BRCA1: variants seen among roughly 807,000 people sequenced by gnomAD.
BRCA1 encodes breast cancer type 1 susceptibility protein.
BRCA1 carries 140 observed loss-of-function variants against 173.7 expected under a neutral mutation model. That is an observed-to-expected ratio of 0.81 (90% CI 0.70 to 0.93). The LOEUF is 0.93. Ranked by LOEUF, BRCA1 falls within the 40% of genes least tolerant of loss-of-function variation. The pLI is 0.00. For missense variants in BRCA1, 1,983 were observed against 2,172.5 expected (o/e 0.91, Z 1.73); for synonymous variants, 662 against 756.0 (o/e 0.88, Z 2.04).
In BRCA1 at chr17:43,049,194, T is replaced by C. The variant is rs80357041; in HGVS notation, c.5333A>G (p.Asp1778Gly). ...CYGPFTNMPT[D>G]QLEWMVQLCG... ...CAGCTGTACCATCCATTCCAGTTGA[T>C]CTAAAATGGACATTTAGATGTAAAA... The change falls in exon 21 of 23, where the codon GAT (aspartate) becomes GGT (glycine). Residue 1778 changes from aspartate (D) to glycine (G), a missense_variant and splice_region_variant. Asp to Gly is a moderately conservative substitution (Grantham distance 94, BLOSUM62 -1). Transcript: ENST00000357654. 11 of 1,613,702 alleles carry C rather than the reference T, an allele frequency of 6.8e-6. No homozygotes were observed. The highest frequency in any genetic ancestry group is 8.5e-6 in the Non-Finnish European group (10 of 1,179,738).
chr17:43,098,674 A>G (rs1490908819), intron 7 of BRCA1, among the ~76,000 whole-genome samples: 3 of 146,722 alleles, frequency 2.0e-5, no homozygotes, highest in Non-Finnish European at 4.5e-5. Context: ...CCAAAAATGT[A>G]TTATTATTTT....
intron 12 of BRCA1, among the ~76,000 whole-genome samples, chr17:43,076,931 A>G (rs907124243): frequency 6.6e-6 from 1 of 152,198 alleles, no homozygotes; most frequent in African/African-American, 2.4e-5. Context: ...AAAAATATAT[A>G]TAACAAATTT....
intron 1 of BRCA1, chr17:43,161,850 A>G (rs569527269): frequency 3.3e-5 from 5 of 152,196 alleles, no homozygotes; most frequent in Non-Finnish European, 7.4e-5. Flanking sequence ...CATACATAAC[A>G]TGAAGTGACA....
chr17:43,047,572 C>T (rs2152751987), intron 22 of BRCA1, 71 bp downstream of exon 22: 1 of 1,446,380 alleles, frequency 6.9e-7, no homozygotes, highest in Non-Finnish European at 9.7e-7. Context: ...ACTCAAGCAC[C>T]AGGTAATGAG....
intron 1 of BRCA1, among the ~76,000 whole-genome samples, chr17:43,137,694 A>G (rs1234534203): frequency 4.6e-5 from 7 of 152,248 alleles, no homozygotes; most frequent in African/African-American, 1.4e-4. Flanking sequence ...CCTGGCTAAC[A>G]TGGTGAAACT....
At chr17:43,052,879 T>TG (rs1225641449) in intron 19 of BRCA1, among the ~76,000 whole-genome samples, 4 of 113,834 alleles carry the variant, frequency 3.5e-5, no homozygotes, top group African/African-American at 1.9e-4. Flanking sequence ...AGTCTGTGTG[T>TG]TTTTTTTTTT....
Position 43,091,505 on chromosome 17 carries a change from T to C in BRCA1, c.4026A>G (p.Ser1342=), listed in dbSNP as rs80356828. Residue 1342 remains serine, a synonymous_variant, in exon 10 of 23, where the codon TCA becomes TCG. Coordinates refer to ENST00000357654, the MANE Select transcript of BRCA1 (RefSeq NM_007294.4). ...AGCCCGTTCCTCTTTCTTCATCATC[T>C]GAAACCAATTCCTTGTCACTCAGAC... ...GVGLSDKELV[S]DDEERGTGLE... The C allele has an allele frequency of 1.2e-6, 2 of 1,613,810 alleles. No homozygotes were observed. Among genetic ancestry groups the C allele is most frequent in the Non-Finnish European group, 1.7e-6 (2 of 1,179,744 alleles).
chr17:43,127,975 G>C (rs1290201071), upstream of BRCA1, among the ~76,000 whole-genome samples: 1 of 128,780 alleles, frequency 7.8e-6, no homozygotes, highest in Non-Finnish European at 1.5e-5. Flanking sequence ...AGTGAGCCCA[G>C]ATTGCACCAC....
At chr17:43,131,804 G>C (rs1597930626) in intron 1 of BRCA1, among the ~76,000 whole-genome samples, 1 of 151,338 alleles carries the variant, frequency 6.6e-6, no homozygotes, top group Middle Eastern at 3.4e-3. Flanking sequence ...TTTGTTTTGG[G>C]ACAGAGTCTC....
At chr17:43,132,222 G>T (rs2055973129) in intron 1 of BRCA1, among the ~76,000 whole-genome samples, 1 of 152,222 alleles carries the variant, frequency 6.6e-6, no homozygotes, top group South Asian at 2.1e-4. Context: ...AGGGCCAAGG[G>T]GGGTTGTGAC....
rs933464628 is a variant in BRCA1, at chr17:43,140,814, A to T, written c.-19-16699T>A. On this transcript the variant is annotated intron_variant, in intron 1 of 7. Transcript: ENST00000634433. ...CCAGGCACAACGTCTGGCATGTTCC[A>T]TCTTTTTCATGGACTCTCCCCAGGC... 2.0e-5 allele frequency among the ~76,000 whole-genome samples: 3 copies of T among 152,046 alleles called. No homozygotes were observed. In the East Asian group the frequency reaches 5.8e-4, roughly 29 times the overall value.
At chr17:43,055,450 C>A (rs973840466) in intron 19 of BRCA1, among the ~76,000 whole-genome samples, 13 of 151,828 alleles carry the variant, frequency 8.6e-5, no homozygotes, top group African/African-American at 3.1e-4. Context: ...GAGATCAAGG[C>A]CAGCCTGGCC....
chr17:43,114,242 C>G (rs2055165334), intron 3 of BRCA1, among the ~76,000 whole-genome samples: 1 of 152,078 alleles, frequency 6.6e-6, no homozygotes, highest in Non-Finnish European at 1.5e-5. Flanking sequence ...CCTTGAGTCC[C>G]TGTAATAATA....
intron 16 of BRCA1, 55 bp from the exon 17 acceptor site, chr17:43,064,006 GCT>G: frequency 6.6e-7 from 1 of 1,514,290 alleles, no homozygotes; most frequent in East Asian, 2.3e-5. Flanking sequence ...ATCAGGAAGT[GCT>G]GTCCTAAGAA....
intron 12 of BRCA1, chr17:43,079,329 G>A (rs746972533): frequency 6.3e-7 from 1 of 1,590,310 alleles, no homozygotes; most frequent in South Asian, 1.1e-5. Flanking sequence ...AAAGAGGAGA[G>A]GCACCTGATA....
chr17:43,063,816 G>A, intron 17 of BRCA1, 58 bp downstream of exon 17: 1 of 1,444,382 alleles, frequency 6.9e-7, no homozygotes, highest in Non-Finnish European at 9.7e-7. Flanking sequence ...AACGTTAGGT[G>A]TAAAAATGCA....
chr17:43,104,318 T>C (rs2154550478), intron 5 of BRCA1, 57 bp from the exon 6 acceptor site: 2 of 1,558,978 alleles, frequency 1.3e-6, no homozygotes, highest in Middle Eastern at 2.0e-4. Context: ...GTATGAATTA[T>C]AATCAAAGAA....
Position 43,044,715 on chromosome 17 carries a change from TG to T in BRCA1, c.*962del. On this transcript the variant is annotated 3_prime_UTR_variant, in exon 23 of 23. Coordinates refer to ENST00000357654, the MANE Select transcript of BRCA1 (RefSeq NM_007294.4). ...AAGACTGTCTTTGGAAACCGGTTCT[TG>T]AAAATCTTCTGCTGTTTTAGAACAC... is the stretch of plus-strand genomic sequence containing the variant. 2.0e-6 allele frequency: 1 copy of T among 505,868 alleles called. No individual in the cohort carries two copies. Among genetic ancestry groups the T allele is most frequent in the Non-Finnish European group, 3.9e-6 (1 of 258,478 alleles). The allele number at this position is 505,868 out of a possible 1,614,324, so 31.3% of individuals were successfully genotyped here. A position where few individuals can be genotyped will look rare whatever the true frequency, so the allele number is the denominator to read the frequency against.
intron 1 of BRCA1, among the ~76,000 whole-genome samples, chr17:43,141,822 A>T (rs1364907451): frequency 2.6e-5 from 4 of 152,144 alleles, no homozygotes; most frequent in Non-Finnish European, 2.9e-5. Flanking sequence ...TAGCATAAAA[A>T]TGTGAAATTA....
Sources: allele counts gnomAD v4.1 joint callset (sites outside exome capture counted in the v4.1 genomes callset), GRCh38; gene constraint gnomAD v4.1.1; transcripts MANE v1.5; gene names NCBI Gene and HGNC (gene_info 2026-07-23, HGNC 2026-07-21).